DGKI: variants seen among roughly 807,000 people sequenced by gnomAD.
DGKI encodes diacylglycerol kinase iota.
DGKI carries 55 observed loss-of-function variants against 147.5 expected under a neutral mutation model. The observed-to-expected ratio is 0.37, with a 90% CI of 0.30 to 0.47. DGKI has a LOEUF of 0.47. Ranked by LOEUF, DGKI falls within the 20% of genes least tolerant of loss-of-function variation. The pLI, the probability that DGKI is intolerant of heterozygous loss-of-function variation, is 1.00. For missense variants in DGKI, 1,007 were observed against 1,323.8 expected, an observed-to-expected ratio of 0.76 and a Z score of 3.71; for synonymous variants, 469 against 477.1, an observed-to-expected ratio of 0.98 and a Z score of 0.22.
In DGKI at chr7:137,623,567, A is replaced by C. The variant is rs1357698741; in HGVS notation, c.805-13T>G. 2.5e-6 allele frequency: 4 copies of C among 1,610,886 alleles called. No homozygotes were observed. Among genetic ancestry groups the C allele is most frequent in the Non-Finnish European group, 3.4e-6 (4 of 1,177,100 alleles). On this transcript the variant is annotated splice_polypyrimidine_tract_variant and intron_variant, in intron 6 of 32. Transcript: ENST00000614521. ...TTTGCTGGAAGCCCTGGGATATTAG[A>C]ACAAGAGACAGATAATTTAAAACCA...
chr7:137,620,019 GCACACACACACACA>G (rs3839659), intron 7 of DGKI, 79 bp from the exon 8 acceptor site: 16 of 502,562 alleles, frequency 3.2e-5, no homozygotes, highest in East Asian at 1.5e-4. Flanking sequence ...ATGTACACAC[GCACACACACACACA>G]CACACACACA....
chr7:137,665,004 T>C (rs545032841), intron 3 of DGKI, among the ~76,000 whole-genome samples: 4 of 140,272 alleles, frequency 2.9e-5, no homozygotes, highest in African/African-American at 1.3e-4. Flanking sequence ...AAAAACATTC[T>C]AGGCAAAGGG....
chr7:137,739,822 T>A (rs1795128075), intron 1 of DGKI, among the ~76,000 whole-genome samples: 1 of 152,198 alleles, frequency 6.6e-6, no homozygotes, highest in Non-Finnish European at 1.5e-5. Flanking sequence ...AGAGTGATCA[T>A]CCACTTTCCA....
intron 1 of DGKI, among the ~76,000 whole-genome samples, chr7:137,843,852 CAT>C (rs1019961902): frequency 5.3e-5 from 8 of 151,676 alleles, no homozygotes; most frequent in South Asian, 2.1e-4. Context: ...CAAAAATACA[CAT>C]GTTCTTCAAA....
chr7:137,685,306 T>C (rs1209558581), intron 2 of DGKI, among the ~76,000 whole-genome samples: 2 of 152,188 alleles, frequency 1.3e-5, no homozygotes, highest in East Asian at 1.9e-4. Flanking sequence ...AAAACCAATG[T>C]GCCCTTTAAG....
chr7:137,606,899 G>A (rs551077473), intron 10 of DGKI, among the ~76,000 whole-genome samples: 14 of 152,180 alleles, frequency 9.2e-5, no homozygotes, highest in African/African-American at 3.1e-4. Flanking sequence ...ACTATGTGCC[G>A]TGTTCTAGAA....
intron 1 of DGKI, among the ~76,000 whole-genome samples, chr7:137,826,464 T>C (rs1246743654): frequency 2.0e-5 from 3 of 152,182 alleles, no homozygotes; most frequent in Non-Finnish European, 2.9e-5. Context: ...AAATCTTTCT[T>C]AGCTGCAAAA....
intron 6 of DGKI, among the ~76,000 whole-genome samples, chr7:137,632,870 C>T (rs1335026598): frequency 7.4e-6 from 1 of 135,082 alleles, no homozygotes; most frequent in African/African-American, 3.5e-5. Flanking sequence ...AATAAATAAA[C>T]AAACAAACAA....
At chr7:137,604,082 C>T (rs1378384220) in intron 10 of DGKI, among the ~76,000 whole-genome samples, 1 of 152,148 alleles carries the variant, frequency 6.6e-6, no homozygotes, top group Non-Finnish European at 1.5e-5. Context: ...CTGCCCAATC[C>T]TCCCACCAAT....
intron 1 of DGKI, among the ~76,000 whole-genome samples, chr7:137,765,782 A>C (rs922066771): frequency 4.6e-5 from 7 of 152,172 alleles, no homozygotes; most frequent in African/African-American, 1.7e-4. Flanking sequence ...GCAGCATACG[A>C]TACGGAGGCC....
At chr7:137,692,931 A>G (rs1481982157) in intron 1 of DGKI, among the ~76,000 whole-genome samples, 2 of 152,378 alleles carry the variant, frequency 1.3e-5, no homozygotes, top group East Asian at 3.9e-4. Context: ...ACAAAAGGAC[A>G]TACAAATAGA....
At chr7:137,395,109 T>C (rs1457654528) in intron 32 of DGKI, among the ~76,000 whole-genome samples, 1 of 152,196 alleles carries the variant, frequency 6.6e-6, no homozygotes, top group Non-Finnish European at 1.5e-5. Flanking sequence ...TTTAAGACTA[T>C]GACCATCTCA....
intron 1 of DGKI, among the ~76,000 whole-genome samples, chr7:137,720,449 C>T (rs148590870): frequency 0.039 from 5,902 of 151,448 alleles, 170 homozygotes; most frequent in Middle Eastern, 0.095. Flanking sequence ...TAGTAGAGAC[C>T]GGGTTTCACC....
chr7:137,396,289 A>T (rs915759477), intron 31 of DGKI, among the ~76,000 whole-genome samples: 5 of 152,228 alleles, frequency 3.3e-5, no homozygotes, highest in African/African-American at 1.2e-4. Context: ...TGAGAGGCAC[A>T]GTGAGACCCT....
At chr7:137,477,989 AC>A (rs1355007274) in intron 23 of DGKI, among the ~76,000 whole-genome samples, 4 of 152,216 alleles carry the variant, frequency 2.6e-5, no homozygotes, top group African/African-American at 9.7e-5. Flanking sequence ...AACAATCCCC[AC>A]ATATGTATTC....
chr7:137,630,493 T>G (rs1315361264), intron 6 of DGKI, among the ~76,000 whole-genome samples: 2 of 152,152 alleles, frequency 1.3e-5, no homozygotes, highest in Non-Finnish European at 2.9e-5. Flanking sequence ...TCAGTACAAC[T>G]TAACAACTCT....
intron 1 of DGKI, among the ~76,000 whole-genome samples, chr7:137,787,035 T>C (rs1026988521): frequency 7.9e-5 from 12 of 152,088 alleles, no homozygotes; most frequent in South Asian, 2.1e-4. Flanking sequence ...GAAGACAACA[T>C]TGGAAAAACC....
chr7:137,392,219 C>T (rs1290725431), intron 32 of DGKI, among the ~76,000 whole-genome samples: 5 of 152,104 alleles, frequency 3.3e-5, no homozygotes, highest in Non-Finnish European at 7.4e-5. Flanking sequence ...TATATACACA[C>T]ATATACACAT....
intron 19 of DGKI, among the ~76,000 whole-genome samples, chr7:137,567,600 GAAAC>G (rs1005670696): frequency 6.6e-6 from 1 of 152,142 alleles, no homozygotes; most frequent in Non-Finnish European, 1.5e-5. Flanking sequence ...AGTTGAAGGG[GAAAC>G]TACGGAGAGT....
Sources: gnomAD v4.1 joint callset for allele counts (sites outside exome capture counted in the v4.1 genomes callset) on GRCh38, gnomAD v4.1.1 for gene constraint, MANE v1.5 for transcripts, NCBI Gene and HGNC (gene_info 2026-07-23, HGNC 2026-07-21) for gene names.